KSR2: variants seen among roughly 807,000 people sequenced by gnomAD.
KSR2 encodes kinase suppressor of ras 2.
In KSR2, 25 loss-of-function variants were observed where a neutral mutation model predicts 107.8. The observed-to-expected ratio is 0.23, with a 90% CI of 0.17 to 0.32. The LOEUF is 0.32. Among genes scored for constraint, KSR2 ranks in the 10% least tolerant of loss-of-function variants. The pLI is 1.00. For missense variants in KSR2, 887 were observed against 1,268.9 expected, an observed-to-expected ratio of 0.70 and a Z score of 4.57; for synonymous variants, 480 against 507.0, an observed-to-expected ratio of 0.95 and a Z score of 0.71.
intron 1 of KSR2, among the ~76,000 whole-genome samples, chr12:117,967,484 AT>A (rs922763357): frequency 1.3e-3 from 199 of 150,778 alleles, no homozygotes; most frequent in Non-Finnish European, 2.1e-3. Context: ...TTCCATAGGA[AT>A]TTTTTTTTTC....
intron 3 of KSR2, among the ~76,000 whole-genome samples, chr12:117,801,269 A>G (rs987607845): frequency 1.4e-5 from 2 of 147,550 alleles, no homozygotes; most frequent in Non-Finnish European, 3.0e-5. Flanking sequence ...GGCATCTGCC[A>G]CCATGCCCGG....
intron 1 of KSR2, among the ~76,000 whole-genome samples, chr12:117,966,615 ACGCGCACG>A (rs1443979323): frequency 2.3e-5 from 3 of 130,666 alleles, no homozygotes; most frequent in African/African-American, 8.7e-5. Flanking sequence ...TCTCTCTCAC[ACGCGCACG>A]CACACACACA....
intron 2 of KSR2, among the ~76,000 whole-genome samples, chr12:117,856,127 G>A (rs1202151593): frequency 5.9e-5 from 9 of 152,168 alleles, no homozygotes; most frequent in Non-Finnish European, 7.3e-5. Context: ...TCCATGCCCC[G>A]TGCTGGAAAT....
intron 1 of KSR2, among the ~76,000 whole-genome samples, chr12:117,926,694 C>T (rs987654704): frequency 1.3e-5 from 2 of 152,224 alleles, no homozygotes; most frequent in Non-Finnish European, 2.9e-5. Flanking sequence ...TTGGCAGAGA[C>T]GGCCCAATGA....
chr12:117,807,061 T>C (rs753299479), intron 3 of KSR2, among the ~76,000 whole-genome samples: 2 of 152,104 alleles, frequency 1.3e-5, no homozygotes, highest in African/African-American at 2.4e-5. Flanking sequence ...GGAGCAGCTG[T>C]GACACTTCCT....
intron 7 of KSR2, among the ~76,000 whole-genome samples, chr12:117,577,910 T>C (rs1005688999): frequency 6.6e-6 from 1 of 152,102 alleles, no homozygotes; most frequent in Non-Finnish European, 1.5e-5. Flanking sequence ...GGGACAGAAA[T>C]GTGAAGTGAC....
intron 4 of KSR2, among the ~76,000 whole-genome samples, chr12:117,755,665 A>G (rs903047718): frequency 6.6e-6 from 1 of 152,236 alleles, no homozygotes; most frequent in African/African-American, 2.4e-5. Context: ...ATAGCCTCTA[A>G]GCGTTCCAGT....
intron 1 of KSR2, among the ~76,000 whole-genome samples, chr12:117,864,767 T>C (rs1450127610): frequency 6.6e-6 from 1 of 152,178 alleles, no homozygotes; most frequent in African/African-American, 2.4e-5. Flanking sequence ...TGTGACTGTG[T>C]CCAAATTTTC....
At chr12:117,573,200 G>A (rs1441058921) in intron 7 of KSR2, among the ~76,000 whole-genome samples, 3 of 152,212 alleles carry the variant, frequency 2.0e-5, no homozygotes. Flanking sequence ...AGGGAAGGGG[G>A]TTAGACATGA....
At chr12:117,610,835 C>T (rs370176995) in intron 5 of KSR2, among the ~76,000 whole-genome samples, 1 of 151,204 alleles carries the variant, frequency 6.6e-6, no homozygotes, top group Non-Finnish European at 1.5e-5. Flanking sequence ...TAGAGACAGA[C>T]AGACAGACAG....
At chr12:117,952,204 C>A (rs1178742405) in intron 1 of KSR2, among the ~76,000 whole-genome samples, 1 of 150,718 alleles carries the variant, frequency 6.6e-6, no homozygotes, top group Non-Finnish European at 1.5e-5. Flanking sequence ...CACATACACA[C>A]CCACACACAC....
chr12:117,494,658 C>G (rs899355669), intron 14 of KSR2, among the ~76,000 whole-genome samples: 1 of 152,172 alleles, frequency 6.6e-6, no homozygotes, highest in Non-Finnish European at 1.5e-5. Flanking sequence ...CTTAATCCTA[C>G]AAGCTGAAGG....
intron 13 of KSR2, among the ~76,000 whole-genome samples, 152 bp downstream of exon 13, chr12:117,526,919 C>T (rs2137241407): frequency 6.6e-6 from 1 of 152,284 alleles, no homozygotes; most frequent in South Asian, 2.1e-4. Flanking sequence ...CCACTGCTTG[C>T]TAATTGTCCC....
intron 3 of KSR2, among the ~76,000 whole-genome samples, chr12:117,764,818 A>T (rs956448945): frequency 3.9e-5 from 6 of 152,194 alleles, no homozygotes; most frequent in Non-Finnish European, 7.4e-5. Context: ...CACCTGTGCA[A>T]TGGGACAATA....
rs1246058396 is a variant in KSR2 at position 117,454,185 on chromosome 12, G to A, written c.*13014C>T. ...GTGCCAGGTATTGCGTAACGTTATT[G>A]ACATTCATTATTTCATTCACTCCCT... On this transcript the variant is annotated 3_prime_UTR_variant, in exon 20 of 20. Coordinates refer to ENST00000339824, the MANE Select transcript of KSR2 (RefSeq NM_173598.6). 1.3e-5 allele frequency: 2 copies of A among 152,200 alleles called. No homozygotes were observed. Among genetic ancestry groups the A allele is most frequent in the Non-Finnish European group, 2.9e-5 (2 of 68,048 alleles). The allele number at this position is 152,200 out of a possible 1,614,324, so 9.4% of individuals were successfully genotyped here.
chr12:117,675,874 T>C lies in KSR2; in HGVS notation c.987-8216A>G, dbSNP rs569217357. ...CTTTGAGGACAGGCAAGAGCACACA[T>C]TCTTGCAGACCGCCCTGTACAGCAA... is the stretch of plus-strand genomic sequence containing the variant. On this transcript the variant is annotated intron_variant, in intron 4 of 19. Coordinates refer to ENST00000339824, the MANE Select transcript of KSR2 (RefSeq NM_173598.6). Among the ~76,000 whole-genome samples the C allele has an allele frequency of 1.6e-4, 24 of 152,308 alleles. No homozygotes were observed. In the South Asian group the frequency reaches 2.9e-3, roughly 18 times the overall value.
chr12:117,839,516 C>G (rs879468444), intron 3 of KSR2, among the ~76,000 whole-genome samples: 4 of 152,122 alleles, frequency 2.6e-5, no homozygotes, highest in Admixed American at 2.6e-4. Context: ...CTCAGAACAC[C>G]GCCTGACACT....
chr12:117,552,716 G>C (rs930168780), intron 9 of KSR2, among the ~76,000 whole-genome samples: 66 of 152,328 alleles, frequency 4.3e-4, no homozygotes, highest in African/African-American at 1.5e-3. Context: ...TTTAGGCTTT[G>C]CAGGCCATGC....
In KSR2 at chr12:117,706,033, T is replaced by C. The variant is rs373342326; in HGVS notation, c.987-38375A>G. On this transcript the variant is annotated intron_variant, in intron 4 of 19. Transcript: ENST00000339824. ...GTGCGGAGTGGTTGGCTGAGTGTTG[T>C]TGGGTCTTTTTTTTTTTTTTTTTTT... Among the ~76,000 whole-genome samples the C allele has an allele frequency of 9.0e-4, 136 of 150,870 alleles. 2 individuals are homozygous for C. The highest frequency in any genetic ancestry group is 3.1e-3 in the African/African-American group (128 of 41,146).
Sources: allele counts gnomAD v4.1 joint callset (sites outside exome capture counted in the v4.1 genomes callset), GRCh38; gene constraint gnomAD v4.1.1; transcripts MANE v1.5; gene names NCBI Gene and HGNC (gene_info 2026-07-23, HGNC 2026-07-21).